DNM3: variants seen among roughly 807,000 people sequenced by gnomAD.
DNM3 encodes dynamin 3, also known as dynamin-3.
A neutral mutation model predicts 101.6 loss-of-function variants in DNM3; 47 were observed. The ratio of observed to expected loss-of-function variants is 0.46; its 90% CI spans 0.37 to 0.59. The LOEUF is 0.59. DNM3 is among the 20% of genes least tolerant of loss of function. DNM3 has a pLI of 0.00. For missense variants in DNM3, 849 were observed against 1,085.7 expected (o/e 0.78, Z 3.06); for synonymous variants, 385 against 387.9 (o/e 0.99, Z 0.09).
At chr1:172,072,868 TAG>T (rs2052312498) in intron 11 of DNM3, among the ~76,000 whole-genome samples, 2 of 152,038 alleles carry the variant, frequency 1.3e-5, no homozygotes, top group Non-Finnish European at 2.9e-5. Context: ...GCCTGGGCAA[TAG>T]AGTGAGACTT....
At chr1:172,129,984 G>T (rs1370383583) in intron 13 of DNM3, among the ~76,000 whole-genome samples, 1 of 150,018 alleles carries the variant, frequency 6.7e-6, no homozygotes, top group Non-Finnish European at 1.5e-5. Flanking sequence ...TGCTGAAACA[G>T]GGAATCAAGG....
chr1:171,855,046 C>G (rs1203467128), intron 1 of DNM3, among the ~76,000 whole-genome samples: 1 of 152,096 alleles, frequency 6.6e-6, no homozygotes, highest in Non-Finnish European at 1.5e-5. Context: ...CCTTCACCCT[C>G]AAGGAGGCCC....
At chr1:172,262,718 C>A (rs2062709773) in intron 15 of DNM3, among the ~76,000 whole-genome samples, 1 of 152,132 alleles carries the variant, frequency 6.6e-6, no homozygotes, top group Non-Finnish European at 1.5e-5. Flanking sequence ...GAGGCAAATA[C>A]CAGATTGATC....
intron 15 of DNM3, among the ~76,000 whole-genome samples, chr1:172,261,313 G>GGGTA (rs767678596): frequency 8.9e-4 from 135 of 152,210 alleles, no homozygotes; most frequent in Non-Finnish European, 1.5e-3. Flanking sequence ...GGTATTGGTT[G>GGGTA]GGTAGGGTAC....
Position 172,167,522 on chromosome 1 carries a change from T to G in DNM3, c.1659+36234T>G, listed in dbSNP as rs530467808. 3.3e-5 allele frequency among the ~76,000 whole-genome samples: 5 copies of G among 152,200 alleles called. No homozygotes were observed. The South Asian group carries it at 6.2e-4, about 19-fold the overall frequency. ...TGTCTTCCACCATGGTTGAACTAGT[T>G]TACAGTCCCACCAACAGTGTAAAAG... On this transcript the variant is annotated intron_variant, in intron 14 of 20. Coordinates refer to ENST00000627582, the MANE Select transcript of DNM3 (RefSeq NM_015569.5).
chr1:172,143,531 C>T (rs868520792), intron 14 of DNM3, among the ~76,000 whole-genome samples: 30 of 152,088 alleles, frequency 2.0e-4, no homozygotes, highest in African/African-American at 7.2e-4. Flanking sequence ...CTCTCCCACC[C>T]TCTTTCACCT....
chr1:172,244,876 AAT>A (rs2061892329), intron 14 of DNM3, among the ~76,000 whole-genome samples: 1 of 152,206 alleles, frequency 6.6e-6, no homozygotes, highest in South Asian at 2.1e-4. Flanking sequence ...AAGGACTATA[AAT>A]CATGCTGCTA....
intron 15 of DNM3, among the ~76,000 whole-genome samples, chr1:172,297,157 A>T (rs2148833718): frequency 6.6e-6 from 1 of 152,162 alleles, no homozygotes; most frequent in African/African-American, 2.4e-5. Context: ...AAAAAAAAAA[A>T]AAATAGCATC....
intron 1 of DNM3, among the ~76,000 whole-genome samples, chr1:171,887,477 A>G (rs986498472): frequency 1.3e-5 from 2 of 152,246 alleles, no homozygotes; most frequent in Non-Finnish European, 2.9e-5. Flanking sequence ...TGCATAAACT[A>G]TAAAGCCAAA....
intron 17 of DNM3, chr1:172,366,731 A>G (rs892181635): frequency 6.6e-6 from 1 of 151,972 alleles, no homozygotes; most frequent in Non-Finnish European, 1.5e-5. Context: ...AATGATTGAA[A>G]TAAAAAATAC....
intron 13 of DNM3, among the ~76,000 whole-genome samples, chr1:172,108,214 G>T (rs2055208249): frequency 6.6e-6 from 1 of 151,922 alleles, no homozygotes; most frequent in Admixed American, 6.5e-5. Flanking sequence ...TAGGGTCTCA[G>T]ATTTATCATA....
At chr1:172,216,871 C>A (rs2060719384) in intron 14 of DNM3, among the ~76,000 whole-genome samples, 1 of 152,186 alleles carries the variant, frequency 6.6e-6, no homozygotes, top group East Asian at 1.9e-4. Context: ...CCAATTTTCC[C>A]ACCTAGAGAT....
intron 1 of DNM3, among the ~76,000 whole-genome samples, chr1:171,910,915 G>T (rs1338774933): frequency 1.3e-5 from 2 of 152,170 alleles, no homozygotes. Flanking sequence ...ACAGGAGGCT[G>T]CATCAACATG....
At chr1:172,163,251 T>TG (rs922661534) in intron 14 of DNM3, among the ~76,000 whole-genome samples, 5 of 150,642 alleles carry the variant, frequency 3.3e-5, no homozygotes, top group Non-Finnish European at 5.9e-5. Context: ...TTGTTTTTTT[T>TG]TTTTTTTGAG....
intron 11 of DNM3, among the ~76,000 whole-genome samples, chr1:172,076,803 T>C (rs2052688676): frequency 5.3e-5 from 8 of 152,190 alleles, no homozygotes; most frequent in Admixed American, 5.2e-4. Context: ...CTGCCAGGTT[T>C]TGGTATTAGG....
At chr1:172,112,605 T>A (rs190030522) in intron 13 of DNM3, among the ~76,000 whole-genome samples, 1 of 152,170 alleles carries the variant, frequency 6.6e-6, no homozygotes, top group Non-Finnish European at 1.5e-5. Flanking sequence ...TTCCTGAATG[T>A]CAAAGGAATT....
intron 11 of DNM3, among the ~76,000 whole-genome samples, chr1:172,076,146 A>T (rs1450210868): frequency 6.6e-6 from 1 of 152,070 alleles, no homozygotes; most frequent in Non-Finnish European, 1.5e-5. Flanking sequence ...AATGCTTGTG[A>T]TTTTTGCACA....
chr1:172,274,417 G>A (rs1446570357), intron 15 of DNM3, among the ~76,000 whole-genome samples: 4 of 152,042 alleles, frequency 2.6e-5, no homozygotes, highest in Non-Finnish European at 5.9e-5. Context: ...AACAACATAA[G>A]CATATCCCTT....
chr1:172,093,865 T>A, intron 13 of DNM3: 1 of 693,100 alleles, frequency 1.4e-6, no homozygotes, highest in Non-Finnish European at 2.4e-6. Context: ...CGTAACACCC[T>A]ATCATTGAAA....
Sources: allele counts gnomAD v4.1 joint callset (sites outside exome capture counted in the v4.1 genomes callset), GRCh38; gene constraint gnomAD v4.1.1; transcripts MANE v1.5; gene names NCBI Gene and HGNC (gene_info 2026-07-23, HGNC 2026-07-21).